Variants in MYOF observed in about 807,000 individuals in gnomAD.
MYOF encodes fer-1-like 3, myoferlin.
In MYOF, 244 loss-of-function variants were observed where a neutral mutation model predicts 284.2. That is an observed-to-expected ratio of 0.86 (90% confidence interval 0.77 to 0.95). The LOEUF (loss-of-function observed/expected upper bound fraction) is 0.95. MYOF is among the 40% of genes least tolerant of loss of function. The pLI is 0.00. For missense variants in MYOF, 2,496 were observed against 2,560.6 expected, an observed-to-expected ratio of 0.97 and a Z score of 0.54; for synonymous variants, 904 against 919.7, an observed-to-expected ratio of 0.98 and a Z score of 0.31.
At chr10:93,345,449 C>T (rs751223619) in intron 37 of MYOF, among the ~76,000 whole-genome samples, 3 of 152,014 alleles carry the variant, frequency 2.0e-5, no homozygotes, top group Non-Finnish European at 2.9e-5. Flanking sequence ...AGGGGGATAG[C>T]GGGGAGGAGG....
intron 1 of MYOF, among the ~76,000 whole-genome samples, chr10:93,478,545 G>A (rs568537071): frequency 1.3e-5 from 2 of 152,112 alleles, no homozygotes; most frequent in South Asian, 2.1e-4. Context: ...GGTCACTCAC[G>A]GTTGAACACA....
rs202082720 is a variant in MYOF, at chr10:93,473,324, C to T, written c.88+8783G>A. ...ACCCACTTTGTCTTGGCCTTCCATG[C>T]CCCTTGGCCACAGTTAATTGGAGCA... On this transcript the variant is annotated intron_variant, in intron 1 of 53. Transcript: ENST00000359263. 6.6e-5 allele frequency among the ~76,000 whole-genome samples: 10 copies of T among 152,298 alleles called. No homozygotes were observed. In the East Asian group the frequency reaches 1.9e-3, roughly 29 times the overall value.
In MYOF at chr10:93,306,514, G is replaced by A. The variant is rs1842102259; in HGVS notation, c.*449C>T. ...CATACAAAATATAGCAATGGTTGTG[G>A]GCATAAATAAGAATTGTTCTAACTA... On this transcript the variant is annotated 3_prime_UTR_variant, in exon 54 of 54. Transcript: ENST00000359263. 6.4e-6 allele frequency: 1 copy of A among 156,296 alleles called. No individual in the cohort carries two copies. The highest frequency in any genetic ancestry group is 2.4e-5 in the African/African-American group (1 of 41,490). The allele number at this position is 156,296 out of a possible 1,614,324, so 9.7% of individuals were successfully genotyped here. A position where few individuals can be genotyped will look rare whatever the true frequency, so the allele number is the denominator to read the frequency against.
At chr10:93,463,844 G>A (rs1358117038) in intron 1 of MYOF, among the ~76,000 whole-genome samples, 2 of 144,184 alleles carry the variant, frequency 1.4e-5, no homozygotes, top group African/African-American at 5.2e-5. Flanking sequence ...CATCCTGGGT[G>A]TTAGAGCAAG....
chr10:93,377,313 A>T lies in MYOF; in HGVS notation c.2108+10T>A. On this transcript the variant is annotated intron_variant, in intron 22 of 53. Transcript: ENST00000359263. ...ATGAAAATTCTGAGATAGGCGTAAG[A>T]TCACTGTACCTCGTGTCTTCTATAA... 1 of 1,602,434 alleles carries T rather than the reference A, an allele frequency of 6.2e-7. No homozygotes were observed. The highest frequency in any genetic ancestry group is 1.1e-5 in the South Asian group (1 of 90,762).
chr10:93,347,525 G>A (rs1228248961), intron 37 of MYOF, 92 bp downstream of exon 37: 1 of 1,208,822 alleles, frequency 8.3e-7, no homozygotes, highest in Non-Finnish European at 1.1e-6. Context: ...GCAGTCCGCA[G>A]TCCGGCCTGG....
intron 17 of MYOF, among the ~76,000 whole-genome samples, chr10:93,391,050 C>T (rs1846651773): frequency 1.3e-5 from 2 of 152,216 alleles, no homozygotes. Context: ...CCTCACTTCT[C>T]CTCCACCTGG....
intron 16 of MYOF, among the ~76,000 whole-genome samples, chr10:93,393,521 ATC>A (rs1846803787): frequency 6.6e-6 from 1 of 152,180 alleles, no homozygotes; most frequent in Non-Finnish European, 1.5e-5. Context: ...GCTTGTAGCA[ATC>A]TCTGTTTTTA....
chr10:93,416,276 G>A (rs543103993), intron 5 of MYOF, among the ~76,000 whole-genome samples: 33 of 152,104 alleles, frequency 2.2e-4, no homozygotes, highest in Non-Finnish European at 4.7e-4. Flanking sequence ...CCCCACTTTG[G>A]GAGGCCAAGG....
At chr10:93,332,189 G>A (rs984443449) in intron 43 of MYOF, among the ~76,000 whole-genome samples, 1 of 151,950 alleles carries the variant, frequency 6.6e-6, no homozygotes, top group Non-Finnish European at 1.5e-5. Flanking sequence ...CACAGACACT[G>A]GGGTCAGATG....
chr10:93,444,873 G>C (rs2056383827), intron 3 of MYOF, among the ~76,000 whole-genome samples: 1 of 152,204 alleles, frequency 6.6e-6, no homozygotes, highest in Non-Finnish European at 1.5e-5. Context: ...CAACAGATCA[G>C]GGTCCCAGCC....
chr10:93,396,001 T>C (rs982776468), intron 16 of MYOF, 141 bp downstream of exon 16: 2 of 536,638 alleles, frequency 3.7e-6, no homozygotes, highest in Middle Eastern at 3.3e-4. Context: ...CAAAACATCA[T>C]TGAAATGGTT....
rs1333806111 is a variant in MYOF at position 93,323,195 on chromosome 10, G to A, written c.5361-22C>T. On this transcript the variant is annotated intron_variant, in intron 47 of 53. Coordinates refer to ENST00000359263, the MANE Select transcript of MYOF (RefSeq NM_013451.4). ...GTATCTGCAAGAAGCACAGTTGGAA[G>A]GTACTTTTTTTTCTGGTCCTGGACC... 3.1e-6 allele frequency: 5 copies of A among 1,613,792 alleles called. No homozygotes were observed. In the South Asian group the frequency reaches 4.4e-5, roughly 14 times the overall value.
At chr10:93,394,722 A>C (rs1846905944) in intron 16 of MYOF, among the ~76,000 whole-genome samples, 1 of 148,698 alleles carries the variant, frequency 6.7e-6, no homozygotes, top group African/African-American at 2.5e-5. Flanking sequence ...AGCCTCCCAA[A>C]GTGCTGGGAT....
At chr10:93,326,970 C>T (rs1843075548) in intron 45 of MYOF, among the ~76,000 whole-genome samples, 2 of 152,106 alleles carry the variant, frequency 1.3e-5, no homozygotes, top group East Asian at 1.9e-4. Flanking sequence ...TCTCTTGACA[C>T]TTCTCCCATG....
chr10:93,380,006 G>T lies in MYOF; in HGVS notation c.1877-19C>A. The stretch of plus-strand genomic sequence containing the variant: ...TAGTTGCCTGGTATAAAACATTGGG[G>T]GTCAATGAACACTGAACACTTAAAA... On this transcript the variant is annotated intron_variant, in intron 20 of 53. Transcript: ENST00000359263. The T allele has an allele frequency of 6.2e-7, 1 of 1,609,246 alleles. No homozygotes were observed. The highest frequency in any genetic ancestry group is 1.1e-5 in the South Asian group (1 of 90,744).
chr10:93,326,592 A>G (rs946889542), intron 45 of MYOF, among the ~76,000 whole-genome samples: 50 of 152,164 alleles, frequency 3.3e-4, no homozygotes, highest in Admixed American at 1.3e-3. Flanking sequence ...TTGGAGGTTC[A>G]GTTTTTACAG....
intron 23 of MYOF, among the ~76,000 whole-genome samples, chr10:93,374,519 G>T (rs764215098): frequency 2.6e-4 from 39 of 152,140 alleles, no homozygotes; most frequent in Non-Finnish European, 1.2e-4. Context: ...AAATGATAAT[G>T]ATTTGTCCAC....
intron 25 of MYOF, 135 bp from the exon 26 acceptor site, chr10:93,366,690 G>C (rs556551663): frequency 4.0e-5 from 28 of 694,648 alleles, no homozygotes; most frequent in Non-Finnish European, 5.8e-5. Context: ...TGCTCAGAAG[G>C]TATGGACCTA....
Sources: allele counts gnomAD v4.1 joint callset (sites outside exome capture counted in the v4.1 genomes callset), GRCh38; gene constraint gnomAD v4.1.1; transcripts MANE v1.5; gene names NCBI Gene and HGNC (gene_info 2026-07-23, HGNC 2026-07-21).